PHIP: variants seen among roughly 807,000 people sequenced by gnomAD.
The protein encoded by PHIP is PHIP subunit of CUL4-Ring ligase complex, also known as PH-interacting protein.
PHIP carries 54 observed loss-of-function variants against 236.8 expected under a neutral mutation model. The observed-to-expected ratio is 0.23, with a 90% CI of 0.18 to 0.29. PHIP has a LOEUF of 0.29. PHIP is among the 10% of genes least tolerant of loss of function. The pLI, the probability that PHIP is intolerant of heterozygous loss-of-function variation, is 1.00. For synonymous variants in PHIP, 756 were observed against 718.9 expected (o/e 1.05, Z -0.83); for missense variants, 1,370 against 2,190.8 (o/e 0.63, Z 7.48).
intron 23 of PHIP, among the ~76,000 whole-genome samples, chr6:78,980,071 C>T (rs1024226054): frequency 2.6e-5 from 4 of 151,884 alleles, no homozygotes; most frequent in Non-Finnish European, 5.9e-5. Context: ...AAGCATAGTA[C>T]GATCTCACTT....
intron 24 of PHIP, among the ~76,000 whole-genome samples, chr6:78,977,914 C>T (rs942948723): frequency 3.3e-5 from 5 of 151,930 alleles, no homozygotes; most frequent in Non-Finnish European, 5.9e-5. Flanking sequence ...AATTAGTGTG[C>T]TTTGCTAAAG....
At chr6:79,072,071 T>C (rs1292230596) in intron 4 of PHIP, among the ~76,000 whole-genome samples, 1 of 152,156 alleles carries the variant, frequency 6.6e-6, no homozygotes, top group Non-Finnish European at 1.5e-5. Flanking sequence ...TTAAAATATA[T>C]ATAAACAGAT....
chr6:79,011,212 G>A (rs117892311), intron 15 of PHIP, among the ~76,000 whole-genome samples: 59 of 151,934 alleles, frequency 3.9e-4, no homozygotes, highest in Non-Finnish European at 7.5e-4. Flanking sequence ...TACACTACTT[G>A]CTTCAGTAAA....
At chr6:78,962,708 T>G (rs1766863020) in intron 30 of PHIP, among the ~76,000 whole-genome samples, 1 of 152,136 alleles carries the variant, frequency 6.6e-6, no homozygotes, top group Non-Finnish European at 1.5e-5. Flanking sequence ...CTCTTTTGTG[T>G]GTGTATATTA....
intron 17 of PHIP, 110 bp downstream of exon 17, chr6:79,001,789 T>C: frequency 1.5e-6 from 1 of 680,184 alleles, no homozygotes; most frequent in Admixed American, 2.4e-5. Context: ...TAAAACATAC[T>C]TTTACTTCTT....
At chr6:79,018,604 A>G (rs868579475) in intron 10 of PHIP, among the ~76,000 whole-genome samples, 1 of 151,942 alleles carries the variant, frequency 6.6e-6, no homozygotes, top group African/African-American at 2.4e-5. Context: ...ATAAACACAA[A>G]TCTGAATTGG....
chr6:79,071,948 A>G (rs961123171), intron 4 of PHIP, among the ~76,000 whole-genome samples: 6 of 146,996 alleles, frequency 4.1e-5, no homozygotes, highest in African/African-American at 1.0e-4. Context: ...CCAGATTATG[A>G]AAAAAAAAAA....
intron 6 of PHIP, among the ~76,000 whole-genome samples, chr6:79,047,990 T>C (rs1772585983): frequency 6.6e-6 from 1 of 151,672 alleles, no homozygotes. Context: ...TATATGGTTA[T>C]ATATACATAT....
chr6:79,012,039 A>G (rs1407827719), intron 15 of PHIP, among the ~76,000 whole-genome samples: 1 of 151,658 alleles, frequency 6.6e-6, no homozygotes, highest in Non-Finnish European at 1.5e-5. Context: ...TTCACTTGAA[A>G]GGCTTTTTAA....
chr6:79,044,727 T>C (rs570631483), intron 6 of PHIP, among the ~76,000 whole-genome samples: 4 of 152,168 alleles, frequency 2.6e-5, no homozygotes, highest in Non-Finnish European at 4.4e-5. Flanking sequence ...AATATCATTG[T>C]TGGAAATAAT....
chr6:79,064,908 CAT>C (rs1773552217), intron 4 of PHIP, among the ~76,000 whole-genome samples: 1 of 152,188 alleles, frequency 6.6e-6, no homozygotes, highest in African/African-American at 2.4e-5. Flanking sequence ...TGAAACTCAA[CAT>C]ATGCAAAACT....
At chr6:78,970,218 C>A in intron 25 of PHIP, 45 bp from the exon 26 acceptor site, 2 of 1,546,806 alleles carry the variant, frequency 1.3e-6, no homozygotes, top group South Asian at 1.1e-5. Flanking sequence ...ACAAAATAAA[C>A]CACAAAATAG....
At position 78,965,932 on chromosome 6, in the gene PHIP, A is replaced by G; in HGVS notation, c.3317+13T>C. 1 of 1,570,284 alleles carries G rather than the reference A, an allele frequency of 6.4e-7. No individual in the cohort carries two copies. The highest frequency in any genetic ancestry group is 1.1e-5 in the South Asian group (1 of 90,164). ...AGCCTAGGTGAACTAAAATACAACAAATATTTCCTTACCAAACATTGTAGC... is the reference window on the plus strand; with the variant it reads ...AGCCTAGGTGAACTAAAATACAACAGATATTTCCTTACCAAACATTGTAGC... On this transcript the variant is annotated intron_variant, in intron 28 of 39. Transcript: ENST00000275034.
chr6:78,937,532 T>C lies in PHIP; in HGVS notation c.*3161A>G, dbSNP rs1425767905. Reference sequence around the variant, plus strand: ...ATTTCCAAGTGATAACTAAATTTAGTCAATCCCAAGTCTCAGATGTTACCT... The same window carrying C: ...ATTTCCAAGTGATAACTAAATTTAGCCAATCCCAAGTCTCAGATGTTACCT... On this transcript the variant is annotated 3_prime_UTR_variant, in exon 40 of 40. Coordinates refer to ENST00000275034, the MANE Select transcript of PHIP (RefSeq NM_017934.7). 2 of 151,756 alleles carry C rather than the reference T, an allele frequency of 1.3e-5. No homozygotes were observed. The highest frequency in any genetic ancestry group is 4.8e-5 in the African/African-American group (2 of 41,432). 9.4% of individuals were successfully genotyped at this position (151,756 alleles called of 1,614,324 possible).
chr6:78,985,899 CCTT>C (rs1351475816), intron 21 of PHIP, among the ~76,000 whole-genome samples: 2 of 152,114 alleles, frequency 1.3e-5, no homozygotes, highest in East Asian at 3.9e-4. Flanking sequence ...ACAGCTTTTA[CCTT>C]TTTTTCACAA....
At chr6:78,963,293 T>A in intron 29 of PHIP, 41 bp from the exon 30 acceptor site, 1 of 1,514,162 alleles carries the variant, frequency 6.6e-7, no homozygotes. Context: ...CATGGTAACT[T>A]ATTAGTATTC....
intron 34 of PHIP, 79 bp downstream of exon 34, chr6:78,955,153 A>G: frequency 9.7e-7 from 1 of 1,029,158 alleles, no homozygotes. Context: ...TTAAAATGCT[A>G]AGAGTAAAAA....
rs1440765294 is a variant in PHIP, at chr6:78,935,660, T to G, written c.*5033A>C. 1 of 983,916 alleles carries G rather than the reference T, an allele frequency of 1.0e-6. No homozygotes were observed. The highest frequency in any genetic ancestry group is 1.7e-5 in the African/African-American group (1 of 57,194). 60.9% of individuals were successfully genotyped at this position (983,916 alleles called of 1,614,324 possible). On this transcript the variant is annotated 3_prime_UTR_variant, in exon 40 of 40. Transcript: ENST00000275034. ...CAGTTGTTTTGGAATTAAATTACATTTCGGCACCCAAATATCTTTTAACTG... is the reference window on the plus strand; with the variant it reads ...CAGTTGTTTTGGAATTAAATTACATGTCGGCACCCAAATATCTTTTAACTG...
At chr6:78,977,781 T>C (rs1032642140) in intron 24 of PHIP, among the ~76,000 whole-genome samples, 1 of 152,204 alleles carries the variant, frequency 6.6e-6, no homozygotes, top group Non-Finnish European at 1.5e-5. Flanking sequence ...GCTCTTCAAG[T>C]CGTATGAGGC....
Sources: gnomAD v4.1 joint callset for allele counts (sites outside exome capture counted in the v4.1 genomes callset) on GRCh38, gnomAD v4.1.1 for gene constraint, MANE v1.5 for transcripts, NCBI Gene and HGNC (gene_info 2026-07-23, HGNC 2026-07-21) for gene names.